Variants in TSPOAP1 observed in about 807,000 individuals in gnomAD.
The protein encoded by TSPOAP1 is peripheral-type benzodiazepine receptor-associated protein 1.
TSPOAP1 carries 87 observed loss-of-function variants against 197.0 expected under a neutral mutation model. The ratio of observed to expected loss-of-function variants is 0.44; its 90% CI spans 0.37 to 0.53. The LOEUF (loss-of-function observed/expected upper bound fraction) is 0.53. Among genes scored for constraint, TSPOAP1 ranks in the 20% least tolerant of loss-of-function variants. The pLI, the probability that TSPOAP1 is intolerant of heterozygous loss-of-function variation, is 0.00. For synonymous variants in TSPOAP1, 913 were observed against 998.9 expected (o/e 0.91, Z 1.62); for missense variants, 2,174 against 2,411.3 (o/e 0.90, Z 2.06).
Position 58,312,738 on chromosome 17 carries a change from C to T in TSPOAP1, c.2099-16G>A. 1.2e-6 allele frequency: 2 copies of T among 1,605,458 alleles called. No individual in the cohort carries two copies. The highest frequency in any genetic ancestry group is 2.7e-5 in the African/African-American group (2 of 74,698). On this transcript the variant is annotated splice_polypyrimidine_tract_variant and intron_variant, in intron 16 of 31. Transcript: ENST00000343736. ...ATGAGCTCTCCTGGCAGGAGGAGGA[C>T]AGGAAGGGGCAGGGCAGGGGAAGAC...
At position 58,326,498 on chromosome 17, in the gene TSPOAP1, C is replaced by T. The variant is rs559217084; in HGVS notation, c.442-77G>A. The T allele has an allele frequency of 5.9e-5, 93 of 1,584,422 alleles. No homozygotes were observed. In the African/African-American group the frequency reaches 1.2e-3, roughly 20 times the overall value. On this transcript the variant is annotated intron_variant, in intron 2 of 31. Transcript: ENST00000343736. This position sits in a 1 kb window ranked among gnomAD's most constrained non-coding sequence, Gnocchi z 4.7. ...CAGTCCTAACAGCCCAAGTCTTGGG[C>T]TAGAGCCCTAGGCTCACAGTGGGGT...
In TSPOAP1 at chr17:58,309,256, T is replaced by C. The variant is rs1193649871; in HGVS notation, c.4016A>G (p.Glu1339Gly). The C allele has an allele frequency of 5.0e-6, 8 of 1,613,376 alleles. No homozygotes were observed. The African/African-American group carries it at 9.4e-5, about 19-fold the overall frequency. Residue 1339 changes from glutamate (E) to glycine (G), a missense_variant, in exon 22 of 32, where the codon GAA becomes GGA. This residue lies in a region of TSPOAP1 where 1,933 missense variants were observed against 2,139.0 expected (regional missense o/e 0.90). Transcript: ENST00000343736. This position sits in a 1 kb window ranked among gnomAD's most constrained non-coding sequence, Gnocchi z 5.0. ...LFSIPEEEEE[E>G]EEDEEEEKSG... ...CTTCTCCTCCTCCTCGTCCTCCTCT[T>C]CCTCTTCCTCCTCCTCCGGGATGCT...
At position 58,310,945 on chromosome 17, in the gene TSPOAP1, T is replaced by A. The variant is rs1396009362; in HGVS notation, c.3350A>T (p.Gln1117Leu). The change falls in exon 19 of 32, where the codon CAG becomes CTG. Residue 1117 changes from glutamine to leucine, a missense_variant. Transcript: ENST00000343736. ...PGPGDPSSPL[Q>L]HPAPLGTQEP... ...TTGAGTTCCAAGGGGAGCAGGGTGC[T>A]GGAGAGGAGAGCTGGGGTCTCCAGG... 6.3e-7 allele frequency: 1 copy of A among 1,576,044 alleles called. No individual in the cohort carries two copies. The highest frequency in any genetic ancestry group is 1.4e-5 in the African/African-American group (1 of 73,038).
At chr17:58,305,997 A>G (rs976466023) in intron 26 of TSPOAP1, 132 bp from the exon 27 acceptor site, 1 of 973,176 alleles carries the variant, frequency 1.0e-6, no homozygotes, top group Non-Finnish European at 1.5e-6. Flanking sequence ...GCATCTCCCC[A>G]ACCCTTTTGT....
intron 1 of TSPOAP1, 143 bp downstream of exon 1, chr17:58,327,445 G>C (rs538012134): frequency 1.3e-6 from 1 of 744,942 alleles, no homozygotes; most frequent in African/African-American, 1.8e-5. Flanking sequence ...AGGACAGATA[G>C]CCACAGAGAT....
chr17:58,310,609 G>A lies in TSPOAP1; in HGVS notation c.3602C>T (p.Ala1201Val), dbSNP rs375648666. ...CCGTGCTCCCTGGGTGGAGCTGGAG[G>A]CCGGACAGGCCTCTCCTGCAGTCCA... ...AEWTAGEACPASSSTQGARAQ... is the reference protein window; with the variant it reads ...AEWTAGEACPVSSSTQGARAQ... Residue 1201 changes from alanine (A) to valine (V), a missense_variant, in exon 20 of 32, where the codon GCC becomes GTC. By Grantham distance (64) the Ala-to-Val change is moderately conservative. This residue lies in a region of TSPOAP1 where 1,933 missense variants were observed against 2,139.0 expected (regional missense o/e 0.90). Coordinates refer to ENST00000343736, the MANE Select transcript of TSPOAP1 (RefSeq NM_004758.4). 2.5e-5 allele frequency: 40 copies of A among 1,613,256 alleles called. No homozygotes were observed. The African/African-American group carries it at 4.9e-4, about 20-fold the overall frequency.
Position 58,328,062 on chromosome 17 carries a change from C to T in TSPOAP1, c.-142G>A. ...CGCTCCATCCAAGGTTGGCTGAGCT[C>T]TTCCCCACCCACAAAGGAGGCTGCA... On this transcript the variant is annotated 5_prime_UTR_variant, in exon 1 of 32. Transcript: ENST00000343736. The surrounding 1 kb of genome is among the most constrained non-coding windows in gnomAD (Gnocchi z 4.3). 5 of 761,964 alleles carry T rather than the reference C, an allele frequency of 6.6e-6. No homozygotes were observed. Among genetic ancestry groups the T allele is most frequent in the Non-Finnish European group, 1.0e-5 (5 of 485,878 alleles). The allele number at this position is 761,964 out of a possible 1,614,324, so 47.2% of individuals were successfully genotyped here. A position where few individuals can be genotyped will look rare whatever the true frequency, so the allele number is the denominator to read the frequency against.
intron 11 of TSPOAP1, 102 bp downstream of exon 11, chr17:58,320,429 C>T: frequency 7.5e-7 from 1 of 1,331,682 alleles, no homozygotes; most frequent in East Asian, 2.6e-5. Context: ...GCCCCTCCTG[C>T]AACCCCTCTC....
Position 58,324,966 on chromosome 17 carries a change from G to C in TSPOAP1, c.787C>G (p.Arg263Gly). The change falls in exon 5 of 32, where the codon CGG becomes GGG. Residue 263 changes from arginine to glycine, a missense_variant. Physicochemically the swap from Arg to Gly is moderately radical, Grantham distance 125 (BLOSUM62 -2). Around this residue, in one of 5 missense-constraint regions of TSPOAP1, gnomAD observed 1,933 missense variants for 2,139.0 expected, o/e 0.90. Coordinates refer to ENST00000343736, the MANE Select transcript of TSPOAP1 (RefSeq NM_004758.4). The surrounding 1 kb of genome is among the most constrained non-coding windows in gnomAD (Gnocchi z 5.8). ...PQWLHVRDFD[R>G]LLRESQREVL... ...TCCCGCTGGGACTCGCGCAGCAGCC[G>C]ATCGAAGTCCCGCACGTGGAGCCAC... 6.5e-7 allele frequency: 1 copy of C among 1,539,144 alleles called. No homozygotes were observed. Among genetic ancestry groups the C allele is most frequent in the African/African-American group, 1.4e-5 (1 of 72,948 alleles).
In TSPOAP1 at chr17:58,311,168, A is replaced by T. The variant is rs1296656961; in HGVS notation, c.3127T>A (p.Leu1043Met). The T allele has an allele frequency of 3.7e-6, 6 of 1,611,476 alleles. No homozygotes were observed. The East Asian group carries it at 1.3e-4, about 36-fold the overall frequency. The stretch of plus-strand genomic sequence containing the variant: ...ACCTGCAGCAGCTGCAGCTGGGACA[A>T]CTCCACCAGTACACTGCCTGCCGTG... ...SPTAGSVLVELSQLQLLQVCR... is the reference protein window; with the variant it reads ...SPTAGSVLVEMSQLQLLQVCR... The change falls in exon 19 of 32, where the codon TTG becomes ATG. Residue 1043 changes from leucine (L) to methionine (M), a missense_variant. By Grantham distance (15) the Leu-to-Met change is conservative. Around this residue, in one of 5 missense-constraint regions of TSPOAP1, gnomAD observed 1,933 missense variants for 2,139.0 expected, o/e 0.90. Coordinates refer to ENST00000343736, the MANE Select transcript of TSPOAP1 (RefSeq NM_004758.4).
At position 58,310,640 on chromosome 17, in the gene TSPOAP1, C is replaced by A. The variant is rs1392790173; in HGVS notation, c.3571G>T (p.Ala1191Ser). ...CAGGCCTCTCCTGCAGTCCACTCGG[C>A]CTCCTGCTTGGCCAGTGAGGGAGCT... The part of the protein sequence containing the change: ...PAAPSLAKQE[A>S]EWTAGEACPA... The change falls in exon 20 of 32, where the codon GCC becomes TCC. Residue 1191 changes from alanine to serine, a missense_variant. Physicochemically the swap from Ala to Ser is moderately conservative, Grantham distance 99. Coordinates refer to ENST00000343736, the MANE Select transcript of TSPOAP1 (RefSeq NM_004758.4). 2 of 1,612,952 alleles carry A rather than the reference C, an allele frequency of 1.2e-6. No homozygotes were observed. Among genetic ancestry groups the A allele is most frequent in the Admixed American group, 1.7e-5 (1 of 60,004 alleles).
At chr17:58,323,108 C>A (rs1040524456) in intron 7 of TSPOAP1, 69 bp from the exon 8 acceptor site, 4 of 1,535,972 alleles carry the variant, frequency 2.6e-6, no homozygotes, top group Admixed American at 1.8e-5. Flanking sequence ...ACACAGAGGA[C>A]CCTGCCCTCC....
In TSPOAP1 at chr17:58,310,492, G is replaced by A. The variant is rs1971046149; in HGVS notation, c.3699+20C>T. The A allele has an allele frequency of 1.9e-6, 3 of 1,609,844 alleles. No homozygotes were observed. Among genetic ancestry groups the A allele is most frequent in the Admixed American group, 3.3e-5 (2 of 59,702 alleles). On this transcript the variant is annotated intron_variant, in intron 20 of 31. Coordinates refer to ENST00000343736, the MANE Select transcript of TSPOAP1 (RefSeq NM_004758.4). The stretch of plus-strand genomic sequence containing the variant: ...GGCCTCAATTCTCTGAAGTGACACA[G>A]TGTGTCCCCAAACCCCTACCTCAGC...
At position 58,324,098 on chromosome 17, in the gene TSPOAP1, G is replaced by A. The variant is rs73993656; in HGVS notation, c.943-553C>T. 0.041 allele frequency among the ~76,000 whole-genome samples: 6,276 copies of A among 152,256 alleles called. 452 individuals are homozygous for A. The highest frequency in any genetic ancestry group is 0.14 in the African/African-American group (5,954 of 41,518). ...TTTGGGGGAGGACAGGTCTTGATGGGAGGGTGCATCTCCCTTCCAGGGCCA... is the reference window on the plus strand; with the variant it reads ...TTTGGGGGAGGACAGGTCTTGATGGAAGGGTGCATCTCCCTTCCAGGGCCA... On this transcript the variant is annotated intron_variant, in intron 5 of 31. Transcript: ENST00000343736. The surrounding 1 kb of genome is among the most constrained non-coding windows in gnomAD (Gnocchi z 5.8).
rs1177664026 is a variant in TSPOAP1 at position 58,322,833 on chromosome 17, C to G, written c.1195-57G>C. ...GGGTGAGCCTTGACCCACCAGCACCCTCACAGGGGGAACAGTACCCTACCC... is the reference window on the plus strand; with the variant it reads ...GGGTGAGCCTTGACCCACCAGCACCGTCACAGGGGGAACAGTACCCTACCC... On this transcript the variant is annotated intron_variant, in intron 8 of 31. Coordinates refer to ENST00000343736, the MANE Select transcript of TSPOAP1 (RefSeq NM_004758.4). The surrounding 1 kb of genome is among the most constrained non-coding windows in gnomAD (Gnocchi z 5.0). 4.4e-6 allele frequency: 7 copies of G among 1,608,206 alleles called. No homozygotes were observed. Among genetic ancestry groups the G allele is most frequent in the Non-Finnish European group, 5.9e-6 (7 of 1,176,974 alleles).
chr17:58,309,830 C>T lies in TSPOAP1; in HGVS notation c.3891+137G>A. The T allele has an allele frequency of 8.4e-7, 1 of 1,189,802 alleles. No individual in the cohort carries two copies. Among genetic ancestry groups the T allele is most frequent in the South Asian group, 1.6e-5 (1 of 64,110 alleles). 73.7% of individuals were successfully genotyped at this position (1,189,802 alleles called of 1,614,324 possible). A position where few individuals can be genotyped will look rare whatever the true frequency, so the allele number is the denominator to read the frequency against. On this transcript the variant is annotated intron_variant, in intron 21 of 31. Transcript: ENST00000343736. This position sits in a 1 kb window ranked among gnomAD's most constrained non-coding sequence, Gnocchi z 5.0. ...CCAATCCTGGGGCACTTCCTATCTT[C>T]TGCTTAGGACAGGGCCCAGGCCACA...
chr17:58,303,487 T>C (rs953419996), intron 31 of TSPOAP1: 5 of 145,152 alleles, frequency 3.4e-5, no homozygotes, highest in African/African-American at 1.3e-4. Flanking sequence ...CCAGAGCCAA[T>C]AGCCGGCTGG....
intron 14 of TSPOAP1, among the ~76,000 whole-genome samples, chr17:58,316,962 TGAG>T (rs1971256762): frequency 6.6e-6 from 1 of 152,304 alleles, no homozygotes; most frequent in South Asian, 2.1e-4. Flanking sequence ...TTTGAGAGGC[TGAG>T]GAGGGCAGAT....
intron 10 of TSPOAP1, among the ~76,000 whole-genome samples, chr17:58,321,750 A>G (rs1032883372): frequency 3.9e-5 from 6 of 152,162 alleles, no homozygotes; most frequent in Non-Finnish European, 5.9e-5. Flanking sequence ...TCCACCCTCC[A>G]TAATACCAGC....
Sources: allele counts gnomAD v4.1 joint callset (sites outside exome capture counted in the v4.1 genomes callset), GRCh38; gene constraint gnomAD v4.1.1; regional missense constraint gnomAD v4.1.1; non-coding constraint Gnocchi (gnomAD v3.1); transcripts MANE v1.5; gene names NCBI Gene and HGNC (gene_info 2026-07-23, HGNC 2026-07-21).